Variants in ULK4 observed in about 807,000 individuals in gnomAD.
ULK4 encodes the protein unc-51 like kinase 4, also known as inactive serine/threonine-protein kinase ULK4.
In ULK4, 133 loss-of-function variants were observed where a neutral mutation model predicts 160.6. The ratio of observed to expected loss-of-function variants is 0.83; its 90% CI spans 0.72 to 0.96. The LOEUF (loss-of-function observed/expected upper bound fraction) is 0.96. Among genes scored for constraint, ULK4 ranks in the 40% least tolerant of loss-of-function variants. ULK4 has a pLI of 0.00. For synonymous variants in ULK4, 534 were observed against 539.8 expected (o/e 0.99, Z 0.15); for missense variants, 1,580 against 1,499.5 (o/e 1.05, Z -0.89).
At chr3:41,542,702 A>C (rs1330684620) in intron 32 of ULK4, among the ~76,000 whole-genome samples, 2 of 151,932 alleles carry the variant, frequency 1.3e-5, no homozygotes, top group Non-Finnish European at 2.9e-5. Flanking sequence ...TTCAGAACTT[A>C]TTATTGGTCC....
intron 32 of ULK4, among the ~76,000 whole-genome samples, chr3:41,465,077 T>C (rs920486810): frequency 1.3e-5 from 2 of 152,170 alleles, no homozygotes; most frequent in African/African-American, 4.8e-5. Context: ...AAATGAAGTA[T>C]GAGATAAAAA....
Position 41,909,664 on chromosome 3 carries a change from G to A in ULK4, c.1085+1653C>T, listed in dbSNP as rs182744700. Among the ~76,000 whole-genome samples, 1,042 of 149,458 alleles carry A rather than the reference G, an allele frequency of 7.0e-3. 10 individuals carry two copies. Among genetic ancestry groups the A allele is most frequent in the African/African-American group, 0.024 (991 of 40,762 alleles). On this transcript the variant is annotated intron_variant, in intron 11 of 36. Transcript: ENST00000301831. ...AGGGAGGTGGAGGCTGCAGTAGGCC[G>A]AGATCATGCCACTGCACTCCAGCCT...
At chr3:41,542,181 G>T (rs2086718442) in intron 32 of ULK4, among the ~76,000 whole-genome samples, 1 of 152,142 alleles carries the variant, frequency 6.6e-6, no homozygotes, top group Non-Finnish European at 1.5e-5. Context: ...ATTATTTTGA[G>T]ATACGTTCCT....
At chr3:41,262,787 T>C (rs970693072) in intron 35 of ULK4, among the ~76,000 whole-genome samples, 3 of 152,232 alleles carry the variant, frequency 2.0e-5, no homozygotes, top group Non-Finnish European at 4.4e-5. Context: ...AAACTGTTCA[T>C]AATTACATCA....
chr3:41,402,311 G>T (rs891180629), intron 34 of ULK4, among the ~76,000 whole-genome samples: 5 of 152,054 alleles, frequency 3.3e-5, no homozygotes, highest in Non-Finnish European at 1.5e-5. Flanking sequence ...ATACAGATAG[G>T]TTTATTTCTT....
chr3:41,657,861 G>A (rs952360964), intron 30 of ULK4, among the ~76,000 whole-genome samples: 10 of 141,472 alleles, frequency 7.1e-5, no homozygotes, highest in African/African-American at 2.8e-4. Flanking sequence ...CCAAATAACT[G>A]GGGATGATCT....
At chr3:41,636,111 C>G (rs576539532) in intron 30 of ULK4, among the ~76,000 whole-genome samples, 1 of 149,740 alleles carries the variant, frequency 6.7e-6, no homozygotes, top group South Asian at 2.1e-4. Flanking sequence ...GGACAACTTA[C>G]ATAAACTCTG....
intron 33 of ULK4, among the ~76,000 whole-genome samples, chr3:41,457,466 T>C (rs1050110591): frequency 5.9e-5 from 9 of 152,168 alleles, no homozygotes; most frequent in South Asian, 4.1e-4. Flanking sequence ...GGCTACAGCT[T>C]TGCACAACAG....
intron 32 of ULK4, among the ~76,000 whole-genome samples, chr3:41,549,176 A>G (rs1189160583): frequency 1.3e-5 from 2 of 152,344 alleles, no homozygotes; most frequent in East Asian, 3.9e-4. Context: ...GAACACAATA[A>G]TTGTCTAGTA....
intron 35 of ULK4, among the ~76,000 whole-genome samples, chr3:41,305,869 C>T (rs142692152): frequency 7.1e-6 from 1 of 140,302 alleles, no homozygotes; most frequent in African/African-American, 2.9e-5. Flanking sequence ...CCTCTGCCCC[C>T]CCGCCCCGTC....
chr3:41,469,620 A>AAAAAAAAAAAAAACAAAAAAAAAAAC (rs2083923763), intron 32 of ULK4, among the ~76,000 whole-genome samples: 1 of 148,668 alleles, frequency 6.7e-6, no homozygotes, highest in African/African-American at 2.5e-5. Flanking sequence ...AAAAAAAAAA[A>AAAAAAAAAAAAAACAAAAAAAAAAAC]AAAAAAACAC....
chr3:41,582,191 G>A (rs750286156), intron 31 of ULK4, among the ~76,000 whole-genome samples: 2 of 152,100 alleles, frequency 1.3e-5, no homozygotes, highest in African/African-American at 2.4e-5. Context: ...AGGAGAAACC[G>A]CTTTCGTTTG....
At chr3:41,350,073 C>T (rs190657862) in intron 35 of ULK4, among the ~76,000 whole-genome samples, 3 of 152,240 alleles carry the variant, frequency 2.0e-5, no homozygotes, top group African/African-American at 7.2e-5. Context: ...CATTTATTCA[C>T]GAACAGACCT....
chr3:41,818,416 G>A (rs796604010), intron 19 of ULK4, among the ~76,000 whole-genome samples: 2 of 152,274 alleles, frequency 1.3e-5, no homozygotes, highest in African/African-American at 4.8e-5. Context: ...GTGTGAATAG[G>A]AATTTTTTCA....
intron 25 of ULK4, among the ~76,000 whole-genome samples, chr3:41,706,849 A>ATATG (rs1338692017): frequency 3.9e-5 from 4 of 102,368 alleles, no homozygotes; most frequent in African/African-American, 2.0e-4. Flanking sequence ...AAAAAAAAAT[A>ATATG]TGTGTGTGTG....
chr3:41,615,814 C>T (rs776847649), intron 30 of ULK4, 97 bp from the exon 31 acceptor site: 10 of 1,053,200 alleles, frequency 9.5e-6, no homozygotes, highest in African/African-American at 1.6e-5. Context: ...TGTTTTATTG[C>T]TAAAATTCCA....
At chr3:41,268,835 G>GCCCCACA (rs2079091220) in intron 35 of ULK4, among the ~76,000 whole-genome samples, 1 of 113,068 alleles carries the variant, frequency 8.8e-6, no homozygotes, top group African/African-American at 3.6e-5. Flanking sequence ...AAAAAAAAAA[G>GCCCCACA]CCCCACACTC....
chr3:41,250,862 AGAC>A, intron 35 of ULK4: 2 of 152,220 alleles, frequency 1.3e-5, no homozygotes, highest in East Asian at 3.8e-4. Context: ...TGTGTTCAAA[AGAC>A]TACTGCTTAA....
intron 32 of ULK4, among the ~76,000 whole-genome samples, chr3:41,528,879 T>C (rs146301944): frequency 3.9e-5 from 6 of 152,326 alleles, no homozygotes; most frequent in African/African-American, 9.6e-5. Flanking sequence ...TATTAAGTAC[T>C]GGGCTTAATA....
Sources: allele counts gnomAD v4.1 joint callset (sites outside exome capture counted in the v4.1 genomes callset), GRCh38; gene constraint gnomAD v4.1.1; transcripts MANE v1.5; gene names NCBI Gene and HGNC (gene_info 2026-07-23, HGNC 2026-07-21).